The following PRICKLE1 variants were observed in gnomAD, a reference collection of about 807,000 sequenced individuals.
PRICKLE1 encodes prickle planar cell polarity protein 1.
Under a neutral mutation model 70.2 loss-of-function variants are expected in PRICKLE1, and 14 were observed. The observed-to-expected ratio is 0.20, with a 90% CI of 0.13 to 0.31. The LOEUF (loss-of-function observed/expected upper bound fraction) is 0.31. PRICKLE1 is among the 10% of genes least tolerant of loss of function. PRICKLE1 has a pLI of 1.00. For synonymous variants in PRICKLE1, 357 were observed against 379.9 expected (o/e 0.94, Z 0.70); for missense variants, 821 against 1,026.2 (o/e 0.80, Z 2.73).
chr12:42,469,105 A>C (rs1938217468), intron 4 of PRICKLE1, among the ~76,000 whole-genome samples: 1 of 151,910 alleles, frequency 6.6e-6, no homozygotes, highest in African/African-American at 2.4e-5. Context: ...TACATTTCCT[A>C]CTCTGAGAAC....
In PRICKLE1 at chr12:42,466,440, G is replaced by A. The variant is rs1189290519; in HGVS notation, c.589-60C>T. ...AAAATCATTAGGAACTATTTTAAAG[G>A]CCAAGTAACTGCATGTTTTCCGGGC... is the stretch of plus-strand genomic sequence containing the variant. On this transcript the variant is annotated intron_variant, in intron 5 of 7. Transcript: ENST00000345127. The A allele has an allele frequency of 4.8e-6, 7 of 1,471,948 alleles. No individual in the cohort carries two copies. In the East Asian group the frequency reaches 1.4e-4, roughly 29 times the overall value. 91.2% of individuals were successfully genotyped at this position (1,471,948 alleles called of 1,614,324 possible). A position where few individuals can be genotyped will look rare whatever the true frequency, so the allele number is the denominator to read the frequency against.
intron 1 of PRICKLE1, among the ~76,000 whole-genome samples, chr12:42,474,619 T>TA (rs1459294122): frequency 1.3e-5 from 2 of 152,092 alleles, no homozygotes; most frequent in Non-Finnish European, 2.9e-5. Flanking sequence ...GACTCCTCAA[T>TA]AAAAAAGGAT....
At chr12:42,549,684 G>A (rs572305290) in intron 1 of PRICKLE1, among the ~76,000 whole-genome samples, 111 of 152,176 alleles carry the variant, frequency 7.3e-4, no homozygotes, top group Non-Finnish European at 1.3e-3. Flanking sequence ...TCTCCAGTCC[G>A]TTTCCACCTC....
chr12:42,512,048 T>C (rs927215423), intron 1 of PRICKLE1, among the ~76,000 whole-genome samples: 1 of 152,174 alleles, frequency 6.6e-6, no homozygotes, highest in Non-Finnish European at 1.5e-5. Context: ...CAACCTTCCC[T>C]AGTTCTTTCC....
rs141743294 is a variant in PRICKLE1 at position 42,472,403 on chromosome 12, C to T, written c.114G>A (p.Pro38=). 6,075 of 1,614,046 alleles carry T rather than the reference C, an allele frequency of 3.8e-3. 31 individuals carry two copies. Among genetic ancestry groups the T allele is most frequent in the Non-Finnish European group, 4.6e-3 (5,455 of 1,179,990 alleles). Residue 38 remains proline (P), a synonymous_variant, in exon 2 of 8, where the codon CCG becomes CCA. Transcript: ENST00000345127. ...CALEEYAWVP[P]GLRPEQIQLY... ...TTCCTACCTGCTCTGGTCTCAGGCC[C>T]GGGGGGACCCAGGCGTACTCCTCCA...
chr12:42,474,908 A>C (rs943902140), intron 1 of PRICKLE1, among the ~76,000 whole-genome samples: 7 of 152,242 alleles, frequency 4.6e-5, no homozygotes, highest in African/African-American at 4.8e-5. Context: ...GGATTATAAA[A>C]CAAGAGAAAA....
At chr12:42,561,502 A>C (rs1184055466) in intron 1 of PRICKLE1, among the ~76,000 whole-genome samples, 1 of 152,212 alleles carries the variant, frequency 6.6e-6, no homozygotes, top group Non-Finnish European at 1.5e-5. Flanking sequence ...GTGTTTTCAA[A>C]TGTGTTATTT....
At chr12:42,572,993 G>A (rs1940743858) in intron 1 of PRICKLE1, among the ~76,000 whole-genome samples, 1 of 150,978 alleles carries the variant, frequency 6.6e-6, no homozygotes, top group Admixed American at 6.6e-5. Flanking sequence ...CCAGGCTACG[G>A]TCCTCAGTTT....
In PRICKLE1 at chr12:42,517,610, C is replaced by G. The variant is rs533775393; in HGVS notation, c.-48-45046G>C. Among the ~76,000 whole-genome samples, 52 of 152,200 alleles carry G rather than the reference C, an allele frequency of 3.4e-4. 1 individual carries two copies. The South Asian group carries it at 0.011, about 31-fold the overall frequency. On this transcript the variant is annotated intron_variant, in intron 1 of 7. Coordinates refer to ENST00000345127, the MANE Select transcript of PRICKLE1 (RefSeq NM_153026.3). Reference sequence around the variant, plus strand: ...TACAGGCTTGAGCCACCGCACCTGGCCCAGTCTGCCATCTTTAACCAGGGG... The same window carrying G: ...TACAGGCTTGAGCCACCGCACCTGGGCCAGTCTGCCATCTTTAACCAGGGG...
intron 1 of PRICKLE1, among the ~76,000 whole-genome samples, chr12:42,577,401 A>G (rs1263888442): frequency 1.3e-5 from 2 of 152,130 alleles, no homozygotes; most frequent in Non-Finnish European, 2.9e-5. Flanking sequence ...CCTTTAAAAC[A>G]TAGCTATTGT....
intron 1 of PRICKLE1, among the ~76,000 whole-genome samples, chr12:42,541,709 T>G (rs1940119627): frequency 6.6e-6 from 1 of 152,124 alleles, no homozygotes; most frequent in South Asian, 2.1e-4. Flanking sequence ...CCCAGTAACA[T>G]CCTCCAAGGC....
rs929649582 is a variant in PRICKLE1, at chr12:42,458,395, G to A, written c.*1414C>T. On this transcript the variant is annotated 3_prime_UTR_variant, in exon 8 of 8. Transcript: ENST00000345127. ...AGTGTTTATTAAATGCCTCCCTAAAGGTCCTGGATGCCACTAGAACCTTTA... is the reference window on the plus strand; with the variant it reads ...AGTGTTTATTAAATGCCTCCCTAAAAGTCCTGGATGCCACTAGAACCTTTA... 7 of 152,192 alleles carry A rather than the reference G, an allele frequency of 4.6e-5. No homozygotes were observed. The highest frequency in any genetic ancestry group is 1.7e-4 in the African/African-American group (7 of 41,440). The allele number at this position is 152,192 out of a possible 1,614,324, so 9.4% of individuals were successfully genotyped here. A position where few individuals can be genotyped will look rare whatever the true frequency, so the allele number is the denominator to read the frequency against.
chr12:42,489,654 C>T (rs76115384), intron 1 of PRICKLE1: 2 of 79,726 alleles, frequency 2.5e-5, no homozygotes, highest in Non-Finnish European at 2.2e-5. Context: ...AGCGAGACTT[C>T]TCTAAAAAAA....
chr12:42,580,915 C>T (rs762157925), intron 1 of PRICKLE1, among the ~76,000 whole-genome samples: 24 of 149,878 alleles, frequency 1.6e-4, no homozygotes, highest in Middle Eastern at 6.8e-3. Context: ...GACGGAAGGA[C>T]GGAAGGAAGA....
chr12:42,478,405 A>G (rs1047749017), intron 1 of PRICKLE1, among the ~76,000 whole-genome samples: 5 of 152,192 alleles, frequency 3.3e-5, no homozygotes, highest in Non-Finnish European at 7.3e-5. Flanking sequence ...GGAGAAAGAA[A>G]AGCAAAACAG....
At chr12:42,533,483 T>C (rs967215224) in intron 1 of PRICKLE1, among the ~76,000 whole-genome samples, 1 of 152,220 alleles carries the variant, frequency 6.6e-6, no homozygotes, top group African/African-American at 2.4e-5. Context: ...GCCCTAACAT[T>C]TGCTCCTTAA....
intron 1 of PRICKLE1, among the ~76,000 whole-genome samples, chr12:42,534,286 T>C (rs1939979690): frequency 6.6e-6 from 1 of 151,978 alleles, no homozygotes; most frequent in African/African-American, 2.4e-5. Context: ...CCAGGAAGAA[T>C]GGGAATAAGC....
intron 1 of PRICKLE1, among the ~76,000 whole-genome samples, chr12:42,512,414 G>A (rs1050581669): frequency 6.6e-6 from 1 of 152,096 alleles, no homozygotes; most frequent in African/African-American, 2.4e-5. Flanking sequence ...CCTTAAAAGC[G>A]ATCCACCCGC....
At chr12:42,462,594 C>T (rs11833011) in intron 7 of PRICKLE1, among the ~76,000 whole-genome samples, 4,842 of 152,240 alleles carry the variant, frequency 0.032, 257 homozygotes, top group African/African-American at 0.11. Flanking sequence ...ACCATTCTTC[C>T]TCAACTCCCC....
Sources: allele counts gnomAD v4.1 joint callset (sites outside exome capture counted in the v4.1 genomes callset), GRCh38; gene constraint gnomAD v4.1.1; transcripts MANE v1.5; gene names NCBI Gene and HGNC (gene_info 2026-07-23, HGNC 2026-07-21).